NTNG1: variants seen among roughly 807,000 people sequenced by gnomAD.
NTNG1 encodes netrin G1, also known as netrin-G1.
NTNG1 carries 16 observed loss-of-function variants against 54.0 expected under a neutral mutation model. The observed-to-expected ratio is 0.30, with a 90% CI of 0.20 to 0.45. NTNG1 has a LOEUF of 0.45. NTNG1 is among the 20% of genes least tolerant of loss of function. NTNG1 has a pLI of 1.00. For synonymous variants in NTNG1, 255 were observed against 263.1 expected (o/e 0.97, Z 0.30); for missense variants, 530 against 678.7 (o/e 0.78, Z 2.43).
chr1:107,354,199 G>C (rs1043222260), intron 3 of NTNG1, among the ~76,000 whole-genome samples: 3 of 152,040 alleles, frequency 2.0e-5, no homozygotes, highest in Admixed American at 1.3e-4. Context: ...GGCCAGGCAT[G>C]GTGGCTCATG....
intron 3 of NTNG1, among the ~76,000 whole-genome samples, chr1:107,390,617 A>G (rs927088666): frequency 1.3e-5 from 2 of 152,202 alleles, no homozygotes; most frequent in Non-Finnish European, 2.9e-5. Context: ...GGAGTGTTTA[A>G]TTTAGTACAA....
At chr1:107,329,140 A>G (rs1668125704) in intron 3 of NTNG1, 1 of 152,132 alleles carries the variant, frequency 6.6e-6, no homozygotes, top group Admixed American at 6.6e-5. Flanking sequence ...TCCATTGTTT[A>G]CCTCCAAGAA....
intron 2 of NTNG1, among the ~76,000 whole-genome samples, chr1:107,221,435 A>T (rs967584205): frequency 2.6e-5 from 4 of 152,184 alleles, no homozygotes; most frequent in African/African-American, 9.7e-5. Context: ...AGCAAGGTAG[A>T]CTACCTCCAT....
chr1:107,277,064 G>T (rs915563030), intron 2 of NTNG1, among the ~76,000 whole-genome samples: 1 of 147,758 alleles, frequency 6.8e-6, no homozygotes, highest in Non-Finnish European at 1.5e-5. Flanking sequence ...AGGAATGAAG[G>T]TTAGATATGA....
chr1:107,431,654 C>A (rs1276966138), intron 6 of NTNG1, among the ~76,000 whole-genome samples: 1 of 152,094 alleles, frequency 6.6e-6, no homozygotes, highest in Non-Finnish European at 1.5e-5. Context: ...AAATCTCCTA[C>A]CTTTTACATA....
chr1:107,393,024 A>G (rs1672461247), intron 3 of NTNG1, among the ~76,000 whole-genome samples: 1 of 152,202 alleles, frequency 6.6e-6, no homozygotes. Context: ...CTAAACATTC[A>G]TCTATTCTCC....
At position 107,483,913 on chromosome 1, in the gene NTNG1, G is replaced by A. The variant is rs1041223014; in HGVS notation, c.*3073G>A. 6.6e-6 allele frequency among the ~76,000 whole-genome samples: 1 copy of A among 152,166 alleles called. No homozygotes were observed. Among genetic ancestry groups the A allele is most frequent in the Non-Finnish European group, 1.5e-5 (1 of 68,026 alleles). ...TTGAGGGTTATTTATTTCTGACCCT[G>A]TACACAGCCTAGGGGAAGAATTTAG... On this transcript the variant is annotated 3_prime_UTR_variant, in exon 8 of 8. Coordinates refer to ENST00000370068, the MANE Select transcript of NTNG1 (RefSeq NM_001113226.3).
intron 4 of NTNG1, among the ~76,000 whole-genome samples, chr1:107,396,838 C>T (rs1009806397): frequency 2.0e-5 from 3 of 152,146 alleles, no homozygotes; most frequent in African/African-American, 7.2e-5. Context: ...GGCTTGTCCT[C>T]AGGGCAGGTC....
rs755223720 is a variant in NTNG1, at chr1:107,297,216, C to CATATATATATAT, written c.247-27047_247-27036dup. Among the ~76,000 whole-genome samples the CATATATATATAT allele has an allele frequency of 5.0e-3, 77 of 15,460 alleles. 1 individual carries two copies. Among genetic ancestry groups the CATATATATATAT allele is most frequent in the Admixed American group, 0.011 (11 of 960 alleles). The allele number at this position is 15,460 out of a possible 152,430, so 10.1% of individuals were successfully genotyped here. On this transcript the variant is annotated intron_variant, in intron 2 of 7. Coordinates refer to ENST00000370068, the MANE Select transcript of NTNG1 (RefSeq NM_001113226.3). ...ATATAACATCATATATATATACCAT[C>CATATATATATAT]ATATATATATATATATATATATATA... is the stretch of plus-strand genomic sequence containing the variant.
At chr1:107,423,117 G>A (rs1011401114) in intron 5 of NTNG1, among the ~76,000 whole-genome samples, 1 of 152,118 alleles carries the variant, frequency 6.6e-6, no homozygotes, top group Admixed American at 6.5e-5. Context: ...CCTTCCCCTT[G>A]TAAAACACCT....
chr1:107,184,647 C>T (rs1267225206), intron 2 of NTNG1, among the ~76,000 whole-genome samples: 4 of 152,192 alleles, frequency 2.6e-5, no homozygotes, highest in East Asian at 1.9e-4. Context: ...TTAGTGTAAG[C>T]CTTTTTCTAC....
intron 2 of NTNG1, among the ~76,000 whole-genome samples, chr1:107,272,290 T>G (rs1664201010): frequency 6.6e-6 from 1 of 152,182 alleles, no homozygotes; most frequent in Non-Finnish European, 1.5e-5. Context: ...TTTTTCCATG[T>G]GGCAAAATGT....
At chr1:107,348,013 C>T (rs2101948305) in intron 3 of NTNG1, among the ~76,000 whole-genome samples, 1 of 152,208 alleles carries the variant, frequency 6.6e-6, no homozygotes, top group Admixed American at 6.5e-5. Flanking sequence ...AGAGCCAAAC[C>T]ATATCATATC....
intron 3 of NTNG1, among the ~76,000 whole-genome samples, chr1:107,390,785 T>C (rs1296434526): frequency 6.6e-6 from 1 of 152,184 alleles, no homozygotes; most frequent in Non-Finnish European, 1.5e-5. Context: ...CAACACACAC[T>C]AGGGATATTA....
intron 3 of NTNG1, among the ~76,000 whole-genome samples, chr1:107,360,417 C>T (rs1258427311): frequency 6.6e-6 from 1 of 151,982 alleles, no homozygotes; most frequent in Non-Finnish European, 1.5e-5. Flanking sequence ...AGTGTAAAGA[C>T]CCTGAAGAGA....
chr1:107,181,538 A>C (rs1053509247), intron 2 of NTNG1, among the ~76,000 whole-genome samples: 1 of 11,662 alleles, frequency 8.6e-5, no homozygotes, highest in Non-Finnish European at 3.8e-4. Context: ...TTCTTTCAGT[A>C]GGGTTTGTGA....
intron 5 of NTNG1, among the ~76,000 whole-genome samples, chr1:107,413,128 CTTTTCTGTT>C (rs964948962): frequency 4.7e-5 from 7 of 148,250 alleles, no homozygotes; most frequent in Non-Finnish European, 1.0e-4. Flanking sequence ...CTTTTCTTTT[CTTTTCTGTT>C]TTTTGTTTTG....
intron 3 of NTNG1, among the ~76,000 whole-genome samples, chr1:107,342,818 T>C (rs1377638708): frequency 6.6e-6 from 1 of 152,064 alleles, no homozygotes; most frequent in Non-Finnish European, 1.5e-5. Flanking sequence ...AGACCTACAG[T>C]GTTCTAAAAT....
At chr1:107,421,017 A>G (rs1674537914) in intron 5 of NTNG1, 1 of 1,098,700 alleles carries the variant, frequency 9.1e-7, no homozygotes, top group Admixed American at 1.9e-5. Context: ...GTTGGTGATA[A>G]GTTATTACAG....
Sources: allele counts gnomAD v4.1 joint callset (sites outside exome capture counted in the v4.1 genomes callset), GRCh38; gene constraint gnomAD v4.1.1; transcripts MANE v1.5; gene names NCBI Gene and HGNC (gene_info 2026-07-23, HGNC 2026-07-21).